The following SSUH2 variants were observed in gnomAD, a reference collection of about 807,000 sequenced individuals.
SSUH2 encodes protein SSUH2 homolog.
Under a neutral mutation model 55.3 loss-of-function variants are expected in SSUH2, and 47 were observed. That is an observed-to-expected ratio of 0.85 (90% confidence interval 0.67 to 1.08). The LOEUF is 1.08. Ranked by LOEUF, SSUH2 falls within the 50% of genes least tolerant of loss-of-function variation. The probability of loss-of-function intolerance (pLI) is 0.00; values close to 1 mark genes in which losing one functional copy is unlikely to be tolerated. For missense variants in SSUH2, 535 were observed against 490.7 expected (o/e 1.09, Z -0.85); for synonymous variants, 212 against 191.5 (o/e 1.11, Z -0.89).
At position 8,632,037 on chromosome 3, in the gene SSUH2, C is replaced by G; in HGVS notation, c.400+12G>C. The G allele has an allele frequency of 6.2e-7, 1 of 1,611,614 alleles. No individual in the cohort carries two copies. The highest frequency in any genetic ancestry group is 8.5e-7 in the Non-Finnish European group (1 of 1,177,836). ...TGCCCCCAGTTAAACTAATTTCAGA[C>G]AATTCACTTACTAGTAAAGGGTTGA... On this transcript the variant is annotated intron_variant, in intron 5 of 11. Coordinates refer to ENST00000544814, the MANE Select transcript of SSUH2 (RefSeq NM_001256748.3).
chr3:8,669,038 C>A (rs111440032), intron 5 of SSUH2, among the ~76,000 whole-genome samples: 3,162 of 152,082 alleles, frequency 0.021, 95 homozygotes, highest in African/African-American at 0.069. Flanking sequence ...GAGGGAGGAA[C>A]TCTTTTAAAG....
At chr3:8,665,882 T>A (rs1319813286) in intron 5 of SSUH2, among the ~76,000 whole-genome samples, 4 of 152,192 alleles carry the variant, frequency 2.6e-5, no homozygotes, top group Non-Finnish European at 5.9e-5. Context: ...GAAGATCATT[T>A]TCAACATCAA....
At chr3:8,667,825 T>C (rs975723225) in intron 5 of SSUH2, among the ~76,000 whole-genome samples, 6 of 152,070 alleles carry the variant, frequency 3.9e-5, no homozygotes, top group African/African-American at 1.4e-4. Context: ...ACTTTGGTGA[T>C]CCCAAGGACT....
intron 4 of SSUH2, chr3:8,671,216 A>G: frequency 5.9e-6 from 1 of 168,220 alleles, no homozygotes; most frequent in Admixed American, 6.0e-5. Context: ...TAACATTTCT[A>G]TAGAACATTG....
intron 5 of SSUH2, chr3:8,670,940 G>A (rs150082929): frequency 4.4e-5 from 16 of 362,120 alleles, no homozygotes; most frequent in Non-Finnish European, 7.1e-5. Context: ...TGTACACCCC[G>A]TGTGACATTA....
intron 8 of SSUH2, chr3:8,627,457 CTCTT>C (rs1359604407): frequency 7.7e-6 from 3 of 388,466 alleles, no homozygotes; most frequent in Non-Finnish European, 1.4e-5. Flanking sequence ...CCTGCAGTGG[CTCTT>C]TCTTCACACT....
upstream of SSUH2, among the ~76,000 whole-genome samples, chr3:8,648,173 T>C (rs541767035): frequency 7.9e-5 from 12 of 152,324 alleles, no homozygotes. Flanking sequence ...ATAGATATTG[T>C]TCTCCTTATA....
Position 8,636,249 on chromosome 3 carries a change from C to T in SSUH2, c.29-392G>A, listed in dbSNP as rs570144774. 4.6e-5 allele frequency among the ~76,000 whole-genome samples: 7 copies of T among 152,326 alleles called. No homozygotes were observed. The South Asian group carries it at 1.2e-3, about 27-fold the overall frequency. ...TGGAAGCATTAAAAGACTGCAGCTACTTCTGCCTCATGGAGCATTTGTTTT... is the reference window on the plus strand; with the variant it reads ...TGGAAGCATTAAAAGACTGCAGCTATTTCTGCCTCATGGAGCATTTGTTTT... On this transcript the variant is annotated intron_variant, in intron 1 of 11. Coordinates refer to ENST00000544814, the MANE Select transcript of SSUH2 (RefSeq NM_001256748.3).
intron 6 of SSUH2, among the ~76,000 whole-genome samples, chr3:8,660,321 A>C (rs1703350659): frequency 6.6e-6 from 1 of 151,896 alleles, no homozygotes; most frequent in African/African-American, 2.4e-5. Flanking sequence ...CTTGCAGGCC[A>C]GGAGCCAAGA....
At chr3:8,626,543 C>A (rs1257298556) in intron 8 of SSUH2, among the ~76,000 whole-genome samples, 1 of 140,266 alleles carries the variant, frequency 7.1e-6, no homozygotes, top group Non-Finnish European at 1.6e-5. Flanking sequence ...GCCTGCCCCC[C>A]CCCCTCCCCC....
At position 8,679,326 on chromosome 3, in the gene SSUH2, C is replaced by T. The variant is rs1379451842; in HGVS notation, c.-901+379G>A. On this transcript the variant is annotated intron_variant, in intron 2 of 18. Coordinates refer to the SSUH2 transcript ENST00000317371. ...CATGAGGCGGGGACTAAGAGCCAGC[C>T]CCTCTTCCCGCCCCTTGCTCTTCCG... 2.7e-4 allele frequency among the ~76,000 whole-genome samples: 11 copies of T among 40,966 alleles called. 3 individuals are homozygous for T. Among genetic ancestry groups the T allele is most frequent in the African/African-American group, 6.1e-4 (11 of 18,128 alleles). 26.9% of individuals were successfully genotyped at this position (40,966 alleles called of 152,430 possible).
chr3:8,626,602 T>C (rs1385834059), intron 8 of SSUH2, among the ~76,000 whole-genome samples: 1 of 144,344 alleles, frequency 6.9e-6, no homozygotes, highest in Non-Finnish European at 1.5e-5. Flanking sequence ...GCCAATCATC[T>C]TATTCCATGT....
intron 7 of SSUH2, among the ~76,000 whole-genome samples, chr3:8,657,667 C>T (rs567202655): frequency 1.6e-4 from 24 of 152,178 alleles, no homozygotes; most frequent in African/African-American, 5.1e-4. Flanking sequence ...GGCTGACTAC[C>T]GAAATTATGC....
chr3:8,664,068 G>A (rs1415837297), intron 5 of SSUH2, among the ~76,000 whole-genome samples: 1 of 152,202 alleles, frequency 6.6e-6, no homozygotes, highest in Non-Finnish European at 1.5e-5. Flanking sequence ...CAGGTGCCCT[G>A]CCAAGTCCTC....
intron 1 of SSUH2, among the ~76,000 whole-genome samples, chr3:8,641,514 A>G (rs1700840629): frequency 6.6e-6 from 1 of 152,142 alleles, no homozygotes; most frequent in South Asian, 2.1e-4. Context: ...GATCCTGTCT[A>G]AGCTGTAACA....
At chr3:8,654,129 TC>T (rs2125333354) in intron 7 of SSUH2, among the ~76,000 whole-genome samples, 1 of 152,282 alleles carries the variant, frequency 6.6e-6, no homozygotes, top group Admixed American at 6.5e-5. Flanking sequence ...AGGGCTCTCA[TC>T]CTAGCTTGTA....
rs578003922 is a variant in SSUH2 at position 8,632,074 on chromosome 3, G to T, written c.375C>A (p.Ser125Arg). The T allele has an allele frequency of 5.6e-6, 9 of 1,613,744 alleles. No individual in the cohort carries two copies. Among genetic ancestry groups the T allele is most frequent in the Non-Finnish European group, 7.6e-6 (9 of 1,179,902 alleles). The change falls in exon 5 of 12, where the codon AGC (serine) becomes AGA (arginine). Residue 125 changes from serine (S) to arginine (R), a missense_variant. Coordinates refer to ENST00000544814, the MANE Select transcript of SSUH2 (RefSeq NM_001256748.3). ...RLETFSESRI[S>R]EWTFQPFTNH... ...TAGTAAAGGGTTGAAATGTCCACTC[G>T]CTTATCCTGGATTCACTAAAGGTCT...
rs777611493 is a variant in SSUH2 at position 8,629,768 on chromosome 3, C to T, written c.526-42G>A. On this transcript the variant is annotated intron_variant, in intron 6 of 11. Coordinates refer to ENST00000544814, the MANE Select transcript of SSUH2 (RefSeq NM_001256748.3). ...TTCTTGGGATCTAGTTTCCCAAGGG[C>T]CACTTCTCCCACACCCATAACATCA... 1.1e-5 allele frequency: 18 copies of T among 1,574,528 alleles called. No individual in the cohort carries two copies. In the South Asian group the frequency reaches 1.4e-4, roughly 13 times the overall value.
At chr3:8,681,596 ACT>A (rs1455977105) in intron 1 of SSUH2, among the ~76,000 whole-genome samples, 1 of 109,166 alleles carries the variant, frequency 9.2e-6, no homozygotes, top group African/African-American at 3.6e-5. Context: ...AGAGCCAGCC[ACT>A]CTTTTCCCCC....
Sources: allele counts gnomAD v4.1 joint callset (sites outside exome capture counted in the v4.1 genomes callset), GRCh38; gene constraint gnomAD v4.1.1; transcripts MANE v1.5; gene names NCBI Gene and HGNC (gene_info 2026-07-23, HGNC 2026-07-21).